TTC39B: variants seen among roughly 807,000 people sequenced by gnomAD.
TTC39B encodes the protein tetratricopeptide repeat domain 39B, also known as tetratricopeptide repeat protein 39B.
In TTC39B, 92 loss-of-function variants were observed where a neutral mutation model predicts 96.6. That is an observed-to-expected ratio of 0.95 (90% confidence interval 0.80 to 1.13). TTC39B has a LOEUF of 1.13. Ranked by LOEUF, TTC39B falls within the 50% of genes most tolerant of loss-of-function variation. TTC39B has a pLI of 0.00. For synonymous variants in TTC39B, 367 were observed against 299.4 expected, an observed-to-expected ratio of 1.23 and a Z score of -2.33; for missense variants, 955 against 809.3, an observed-to-expected ratio of 1.18 and a Z score of -2.18.
intron 3 of TTC39B, among the ~76,000 whole-genome samples, chr9:15,216,392 C>A (rs1442065270): frequency 6.6e-6 from 1 of 152,176 alleles, no homozygotes; most frequent in Non-Finnish European, 1.5e-5. Context: ...GTTTGAGACA[C>A]CTCCTCTAGG....
chr9:15,206,278 T>C (rs1819851830), intron 6 of TTC39B, among the ~76,000 whole-genome samples: 1 of 151,888 alleles, frequency 6.6e-6, no homozygotes, highest in African/African-American at 2.4e-5. Flanking sequence ...ATGTTCCACA[T>C]TAAAACCATG....
chr9:15,280,015 C>T (rs1375706715), intron 1 of TTC39B, among the ~76,000 whole-genome samples: 1 of 151,388 alleles, frequency 6.6e-6, no homozygotes. Context: ...CCTGCCTCAG[C>T]CTCCCAAGTA....
chr9:15,236,354 A>T (rs1362961285), intron 2 of TTC39B, among the ~76,000 whole-genome samples: 1 of 152,260 alleles, frequency 6.6e-6, no homozygotes, highest in Non-Finnish European at 1.5e-5. Context: ...GAATAGACTG[A>T]TATCAATACA....
intron 1 of TTC39B, among the ~76,000 whole-genome samples, chr9:15,278,910 T>C (rs566696780): frequency 8.5e-5 from 13 of 152,346 alleles, no homozygotes; most frequent in African/African-American, 2.4e-4. Context: ...CCTTAACATG[T>C]GTTAACTCAT....
At position 15,211,284 on chromosome 9, in the gene TTC39B, G is replaced by T. The variant is rs143837319; in HGVS notation, c.596C>A (p.Ala199Asp). 198 of 1,565,002 alleles carry T rather than the reference G, an allele frequency of 1.3e-4. No individual in the cohort carries two copies. Among genetic ancestry groups the T allele is most frequent in the Non-Finnish European group, 1.6e-4 (190 of 1,159,092 alleles). The change falls in exon 5 of 20, where the codon GCT becomes GAT. Residue 199 changes from alanine (A) to aspartate (D), a missense_variant. Transcript: ENST00000512701. The stretch of plus-strand genomic sequence containing the variant: ...GTCATACTTTTGGCAGGTTTGTAAA[G>T]CGTCCTTCATGGCAGAAATGCCGTT...
intron 2 of TTC39B, among the ~76,000 whole-genome samples, chr9:15,234,679 G>C (rs1347420859): frequency 2.0e-5 from 3 of 151,950 alleles, no homozygotes; most frequent in African/African-American, 7.3e-5. Flanking sequence ...ATTTTGTTCT[G>C]TACTAAGAAA....
intron 13 of TTC39B, 66 bp from the exon 14 acceptor site, chr9:15,188,198 A>G: frequency 6.8e-7 from 1 of 1,475,986 alleles, no homozygotes; most frequent in Non-Finnish European, 9.1e-7. Context: ...CCTAATGGAA[A>G]AATACATAAA....
chr9:15,212,989 G>C (rs1820294059), intron 4 of TTC39B, among the ~76,000 whole-genome samples: 1 of 152,084 alleles, frequency 6.6e-6, no homozygotes. Context: ...CTGACACTAA[G>C]AACAGATAAA....
chr9:15,167,213 T>C (rs1817546640), exon 20 of TTC39B: 1 of 110,116 alleles, frequency 9.1e-6, no homozygotes, highest in African/African-American at 3.5e-5. Context: ...ATTTTTTTTT[T>C]TTTTTTTTTT....
chr9:15,270,753 A>T (rs911463917), intron 1 of TTC39B, among the ~76,000 whole-genome samples: 4 of 30,292 alleles, frequency 1.3e-4, no homozygotes, highest in Non-Finnish European at 2.1e-4. Context: ...TTTTTATTTA[A>T]AAAAAAAAAC....
At chr9:15,198,818 T>C (rs542673053) in intron 8 of TTC39B, among the ~76,000 whole-genome samples, 1 of 152,160 alleles carries the variant, frequency 6.6e-6, no homozygotes, top group South Asian at 2.1e-4. Context: ...ACAATTTAAA[T>C]ATGAAAACAA....
chr9:15,294,586 C>T (rs1180266396), intron 1 of TTC39B, among the ~76,000 whole-genome samples: 1 of 152,204 alleles, frequency 6.6e-6, no homozygotes, highest in Admixed American at 6.5e-5. Context: ...GCCCTTTGAG[C>T]CCCTGTTTAC....
chr9:15,248,540 T>C (rs1291569497), intron 2 of TTC39B, among the ~76,000 whole-genome samples: 2 of 152,204 alleles, frequency 1.3e-5, no homozygotes, highest in Admixed American at 1.3e-4. Flanking sequence ...GAAGATACAA[T>C]ATTTTGTTCA....
At chr9:15,303,938 TATGAG>T (rs954408965) in intron 1 of TTC39B, among the ~76,000 whole-genome samples, 21 of 152,312 alleles carry the variant, frequency 1.4e-4, no homozygotes, top group African/African-American at 4.8e-4. Flanking sequence ...CCTGGCCTCA[TATGAG>T]AAAATTTTTA....
intron 2 of TTC39B, among the ~76,000 whole-genome samples, chr9:15,264,183 G>T (rs567502521): frequency 6.6e-6 from 1 of 152,216 alleles, no homozygotes; most frequent in Admixed American, 6.5e-5. Context: ...AATGCTTCTC[G>T]AATTCCCCAC....
rs527448275 is a variant in TTC39B at position 15,219,619 on chromosome 9, C to T, written c.372-5370G>A. ...AGGAAAGGAACATCCTTATCTCCGA[C>T]ACCTCGGACTTCCCTGAGTAGGGAC... On this transcript the variant is annotated intron_variant, in intron 3 of 19. Coordinates refer to ENST00000512701, the Ensembl canonical transcript of TTC39B. Among the ~76,000 whole-genome samples, 10 of 152,334 alleles carry T rather than the reference C, an allele frequency of 6.6e-5. 1 individual carries two copies. In the South Asian group the frequency reaches 2.1e-3, roughly 32 times the overall value.
At chr9:15,256,509 CA>C (rs1184855370) in intron 2 of TTC39B, among the ~76,000 whole-genome samples, 5 of 152,204 alleles carry the variant, frequency 3.3e-5, no homozygotes, top group African/African-American at 9.6e-5. Context: ...CCATGACAAG[CA>C]AAGTAGATCA....
intron 1 of TTC39B, among the ~76,000 whole-genome samples, chr9:15,278,872 C>T (rs1312784974): frequency 1.3e-5 from 2 of 152,220 alleles, no homozygotes; most frequent in African/African-American, 4.8e-5. Context: ...ACAGGTAACA[C>T]TATTGAGTGC....
chr9:15,306,988 G>C lies in TTC39B; in HGVS notation c.240+96C>G, dbSNP rs1824772873. The stretch of plus-strand genomic sequence containing the variant: ...CCACCCCAGAGAGGGGACCAAGGGG[G>C]CGGGGCCTCGGCCGTCCTAGCCGGG... On this transcript the variant is annotated intron_variant, in intron 1 of 19. Coordinates refer to ENST00000512701, the Ensembl canonical transcript of TTC39B. This position sits in a 1 kb window ranked among gnomAD's most constrained non-coding sequence, Gnocchi z 5.1. 2.0e-6 allele frequency: 3 copies of C among 1,526,352 alleles called. No homozygotes were observed. Among genetic ancestry groups the C allele is most frequent in the South Asian group, 2.4e-5 (2 of 82,620 alleles). The allele number at this position is 1,526,352 out of a possible 1,614,324, so 94.6% of individuals were successfully genotyped here.
Sources: gnomAD v4.1 joint callset for allele counts (sites outside exome capture counted in the v4.1 genomes callset) on GRCh38, gnomAD v4.1.1 for gene constraint, Gnocchi (gnomAD v3.1) non-coding constraint, MANE v1.5 for transcripts, NCBI Gene and HGNC (gene_info 2026-07-23, HGNC 2026-07-21) for gene names.